ZFAT: variants seen among roughly 807,000 people sequenced by gnomAD.
ZFAT encodes zinc finger and AT-hook domain containing.
A neutral mutation model predicts 117.7 loss-of-function variants in ZFAT; 64 were observed. That is an observed-to-expected ratio of 0.54 (90% CI 0.44 to 0.67). ZFAT has a LOEUF of 0.67. ZFAT is among the 30% of genes least tolerant of loss of function. The pLI is 0.00. For missense variants in ZFAT, 1,433 were observed against 1,584.5 expected, an observed-to-expected ratio of 0.90 and a Z score of 1.62; for synonymous variants, 679 against 615.0, an observed-to-expected ratio of 1.10 and a Z score of -1.54.
chr8:134,518,772 T>C (rs534974016), intron 13 of ZFAT, among the ~76,000 whole-genome samples: 10 of 152,168 alleles, frequency 6.6e-5, no homozygotes, highest in Admixed American at 2.6e-4. Flanking sequence ...AAAATATTAC[T>C]GTTTCTATAT....
At chr8:134,513,760 C>T (rs111423560) in intron 13 of ZFAT, among the ~76,000 whole-genome samples, 138 of 152,242 alleles carry the variant, frequency 9.1e-4, no homozygotes, top group Admixed American at 1.7e-3. Context: ...TCTACAGGTG[C>T]CAAGTTATGC....
chr8:134,809,443 G>A, the ZFAT span, among the ~76,000 whole-genome samples: 1 of 152,172 alleles, frequency 6.6e-6, no homozygotes, highest in East Asian at 1.9e-4. Context: ...TTCCTAAATA[G>A]TATTTTAAGA....
At chr8:134,765,477 C>T in the ZFAT span, 3 of 152,276 alleles carry the variant, frequency 2.0e-5, no homozygotes, top group South Asian at 6.2e-4. Context: ...AAACATTTAC[C>T]AGTTCACTGG....
At chr8:134,493,673 C>T (rs781679143) in intron 15 of ZFAT, among the ~76,000 whole-genome samples, 3 of 152,208 alleles carry the variant, frequency 2.0e-5, no homozygotes, top group Non-Finnish European at 4.4e-5. Flanking sequence ...AGGGCAGGTG[C>T]GTGAGGCACG....
chr8:134,571,608 C>T (rs565699874), intron 10 of ZFAT, among the ~76,000 whole-genome samples: 170 of 152,260 alleles, frequency 1.1e-3, no homozygotes, highest in African/African-American at 3.7e-3. Flanking sequence ...GACCAAACAG[C>T]GTTCTCTAGA....
intron 12 of ZFAT, among the ~76,000 whole-genome samples, chr8:134,529,205 G>A (rs1450641372): frequency 1.3e-5 from 2 of 152,166 alleles, no homozygotes; most frequent in Non-Finnish European, 2.9e-5. Flanking sequence ...TTGAGGGAGG[G>A]CTTGGAAGCC....
intron 3 of ZFAT, among the ~76,000 whole-genome samples, chr8:134,618,404 C>T (rs770382386): frequency 3.9e-5 from 6 of 152,042 alleles, no homozygotes; most frequent in Non-Finnish European, 7.4e-5. Context: ...CAGAATGAGG[C>T]GGGGAGTCAC....
intron 11 of ZFAT, among the ~76,000 whole-genome samples, chr8:134,544,116 C>A (rs1257807115): frequency 1.3e-5 from 2 of 152,140 alleles, no homozygotes; most frequent in Non-Finnish European, 2.9e-5. Flanking sequence ...CTAACTCTCC[C>A]AGGAAGTTGT....
intron 1 of ZFAT, among the ~76,000 whole-genome samples, chr8:134,683,445 C>A (rs1330117929): frequency 2.6e-5 from 4 of 152,120 alleles, no homozygotes; most frequent in Non-Finnish European, 4.4e-5. Flanking sequence ...CACAGAAGCA[C>A]GTGTGGAGAA....
the ZFAT span, chr8:134,723,270 C>T: frequency 6.6e-6 from 1 of 152,272 alleles, no homozygotes; most frequent in Admixed American, 6.5e-5. Context: ...GGACCTCCCT[C>T]TTATCACATC....
chr8:134,709,842 A>T (rs1398798311), intron 1 of ZFAT, among the ~76,000 whole-genome samples: 3 of 152,162 alleles, frequency 2.0e-5, no homozygotes, highest in Non-Finnish European at 4.4e-5. Context: ...CTGAGAAGGG[A>T]GCACTGCGGT....
At chr8:134,705,378 T>C (rs868464038) in intron 1 of ZFAT, among the ~76,000 whole-genome samples, 1 of 35,810 alleles carries the variant, frequency 2.8e-5, no homozygotes, top group Non-Finnish European at 5.5e-5. Context: ...TTTTTTTTTG[T>C]TTTTTTTTTT....
In ZFAT at chr8:134,601,666, G is replaced by A; in HGVS notation, c.2053C>T (p.Leu685Phe). The A allele has an allele frequency of 1.2e-6, 2 of 1,614,174 alleles. No homozygotes were observed. Among genetic ancestry groups the A allele is most frequent in the Non-Finnish European group, 1.7e-6 (2 of 1,180,018 alleles). Residue 685 changes from leucine to phenylalanine, a missense_variant, in exon 6 of 16, where the codon CTC becomes TTC. By Grantham distance (22) the Leu-to-Phe change is conservative. Coordinates refer to ENST00000377838, the MANE Select transcript of ZFAT (RefSeq NM_020863.4). ...RSNPAEASDL[L>F]PPVAGGGDTI... ...TCCCCACCACCAGCTACTGGAGGGA[G>A]GAGGTCTGAGGCCTCAGCTGGGTTT... is the stretch of plus-strand genomic sequence containing the variant.
intron 13 of ZFAT, 112 bp downstream of exon 13, chr8:134,520,771 C>T (rs1336174689): frequency 1.3e-5 from 11 of 831,458 alleles, no homozygotes; most frequent in Non-Finnish European, 2.1e-5. Flanking sequence ...GTTCCCCAAA[C>T]AGAAAATCTA....
rs894184705 is a variant in ZFAT at position 134,619,315 on chromosome 8, C to T, written c.449-8660G>A. ...AAATAAAAGATCAAAATTTCTAATT[C>T]GAAGTACAGTTTCTACTAAATGCAT... On this transcript the variant is annotated intron_variant, in intron 3 of 15. Transcript: ENST00000377838. 4.0e-5 allele frequency among the ~76,000 whole-genome samples: 6 copies of T among 151,878 alleles called. No individual in the cohort carries two copies. In the East Asian group the frequency reaches 5.8e-4, roughly 15 times the overall value.
intron 2 of ZFAT, among the ~76,000 whole-genome samples, chr8:134,638,108 G>A (rs1361252135): frequency 2.0e-5 from 3 of 152,138 alleles, no homozygotes; most frequent in Admixed American, 2.0e-4. Flanking sequence ...GTTCTCAAAG[G>A]CTGCTGAGCT....
intron 11 of ZFAT, among the ~76,000 whole-genome samples, chr8:134,550,934 C>T (rs1251223687): frequency 6.6e-6 from 1 of 152,140 alleles, no homozygotes; most frequent in Admixed American, 6.5e-5. Context: ...AAAAGCAAGA[C>T]AAACACCACC....
At chr8:134,796,286 C>A in the ZFAT span, 1 of 152,234 alleles carries the variant, frequency 6.6e-6, no homozygotes, top group Admixed American at 6.5e-5. Context: ...CTGCTTGTGA[C>A]TGACATCTGA....
chr8:134,548,659 A>G (rs1822884467), intron 11 of ZFAT, among the ~76,000 whole-genome samples: 1 of 152,182 alleles, frequency 6.6e-6, no homozygotes, highest in African/African-American at 2.4e-5. Flanking sequence ...TTTGGGAAAA[A>G]TAGGAGGAGA....
Sources: gnomAD v4.1 joint callset for allele counts (sites outside exome capture counted in the v4.1 genomes callset) on GRCh38, gnomAD v4.1.1 for gene constraint, MANE v1.5 for transcripts, NCBI Gene and HGNC (gene_info 2026-07-23, HGNC 2026-07-21) for gene names.